The following ARHGAP23 variants were observed in gnomAD, a reference collection of about 807,000 sequenced individuals.
The protein encoded by ARHGAP23 is rho GTPase-activating protein 23.
In ARHGAP23, 34 loss-of-function variants were observed where a neutral mutation model predicts 136.3. That is an observed-to-expected ratio of 0.25 (90% CI 0.19 to 0.33). ARHGAP23 has a LOEUF of 0.33. ARHGAP23 is among the 10% of genes least tolerant of loss of function. ARHGAP23 has a pLI of 1.00. For missense variants in ARHGAP23, 1,808 were observed against 2,139.0 expected (o/e 0.85, Z 3.05); for synonymous variants, 832 against 920.5 (o/e 0.90, Z 1.74).
chr17:38,461,482 G>A (rs1247809881), intron 3 of ARHGAP23, among the ~76,000 whole-genome samples: 1 of 152,234 alleles, frequency 6.6e-6, no homozygotes, highest in Non-Finnish European at 1.5e-5. Flanking sequence ...AAGGCAGAGT[G>A]CCTTCTCTGG....
intron 23 of ARHGAP23, among the ~76,000 whole-genome samples, chr17:38,508,485 T>G (rs1026561825): frequency 6.6e-6 from 1 of 152,120 alleles, no homozygotes; most frequent in East Asian, 1.9e-4. Flanking sequence ...CTGGGGAACT[T>G]GTGCTTTATC....
intron 1 of ARHGAP23, among the ~76,000 whole-genome samples, chr17:38,440,965 G>C (rs1020819880): frequency 6.6e-6 from 1 of 152,224 alleles, no homozygotes; most frequent in Non-Finnish European, 1.5e-5. Context: ...GCTGCACAGC[G>C]TCAGTGGGAT....
chr17:38,453,073 G>A (rs939958293), intron 1 of ARHGAP23, among the ~76,000 whole-genome samples: 3 of 152,358 alleles, frequency 2.0e-5, no homozygotes, highest in African/African-American at 4.8e-5. Context: ...CAGTGTGTGC[G>A]TGGCATCTGC....
intron 1 of ARHGAP23, among the ~76,000 whole-genome samples, chr17:38,448,596 G>C (rs71384228): frequency 1.3e-5 from 2 of 150,786 alleles, no homozygotes; most frequent in African/African-American, 2.4e-5. Flanking sequence ...TCCAGATCCC[G>C]TGTGTCAGCC....
At chr17:38,445,436 C>T (rs1306824727) in intron 1 of ARHGAP23, among the ~76,000 whole-genome samples, 4 of 151,822 alleles carry the variant, frequency 2.6e-5, no homozygotes, top group Admixed American at 2.6e-4. Context: ...GAGAGCACGC[C>T]ATTGCACTCC....
chr17:38,453,837 C>T (rs2039254240), intron 1 of ARHGAP23: 1 of 144,178 alleles, frequency 6.9e-6, no homozygotes, highest in Non-Finnish European at 1.5e-5. Flanking sequence ...GCCGGCCGCC[C>T]GGGGGGTCGA....
chr17:38,498,929 C>T (rs2040457193), intron 22 of ARHGAP23: 1 of 700,032 alleles, frequency 1.4e-6, no homozygotes, highest in Non-Finnish European at 2.6e-6. Flanking sequence ...TCCCCTCCTC[C>T]AGCGGACCTG....
intron 6 of ARHGAP23, among the ~76,000 whole-genome samples, chr17:38,464,542 C>T (rs2039537554): frequency 6.6e-6 from 1 of 152,228 alleles, no homozygotes; most frequent in Non-Finnish European, 1.5e-5. Flanking sequence ...AAACCTCCAC[C>T]CCTGACCTCG....
upstream of ARHGAP23, among the ~76,000 whole-genome samples, chr17:38,427,240 A>G (rs2038583365): frequency 6.6e-6 from 1 of 152,164 alleles, no homozygotes; most frequent in Non-Finnish European, 1.5e-5. Flanking sequence ...AGGCAGGCGA[A>G]TATCACTTGA....
At chr17:38,487,731 G>GCAC (rs201569019) in intron 17 of ARHGAP23, among the ~76,000 whole-genome samples, 1,556 of 152,116 alleles carry the variant, frequency 0.01, 10 homozygotes, top group Middle Eastern at 0.044. Context: ...GGATGTGGTG[G>GCAC]CGGGTGCCTG....
chr17:38,498,309 G>A (rs2040437819), intron 21 of ARHGAP23, 105 bp from the exon 22 acceptor site: 3 of 849,568 alleles, frequency 3.5e-6, no homozygotes, highest in Admixed American at 3.0e-5. Flanking sequence ...AGTGAGCCCG[G>A]TCTGATGGAG....
chr17:38,507,013 G>A (rs1183103161), intron 23 of ARHGAP23, among the ~76,000 whole-genome samples: 1 of 152,120 alleles, frequency 6.6e-6, no homozygotes, highest in Non-Finnish European at 1.5e-5. Context: ...GCTGATGCCT[G>A]TAATAATCCC....
At chr17:38,471,432 A>G (rs933585505) in intron 10 of ARHGAP23, among the ~76,000 whole-genome samples, 3 of 152,144 alleles carry the variant, frequency 2.0e-5, no homozygotes, top group Non-Finnish European at 4.4e-5. Flanking sequence ...AGTCCTGTTG[A>G]GACTGTCACT....
chr17:38,430,591 G>C (rs2038666200), intron 1 of ARHGAP23, among the ~76,000 whole-genome samples: 1 of 152,108 alleles, frequency 6.6e-6, no homozygotes, highest in African/African-American at 2.4e-5. Flanking sequence ...GGTTAAAAGA[G>C]AGACTACAAA....
intron 20 of ARHGAP23, among the ~76,000 whole-genome samples, chr17:38,493,436 C>T (rs866312270): frequency 3.3e-5 from 5 of 152,094 alleles, no homozygotes; most frequent in South Asian, 2.1e-4. Context: ...AAGCGATCCT[C>T]CCATCTCGGC....
At chr17:38,466,134 G>A (rs1167887539) in intron 6 of ARHGAP23, 33 bp from the exon 7 acceptor site, 3 of 1,442,206 alleles carry the variant, frequency 2.1e-6, no homozygotes, top group Admixed American at 2.5e-5. Context: ...GACTTGTCTG[G>A]CCCTGCTTAC....
chr17:38,469,493 A>C, intron 8 of ARHGAP23, 31 bp from the exon 9 acceptor site: 1 of 1,540,140 alleles, frequency 6.5e-7, no homozygotes, highest in East Asian at 2.4e-5. Flanking sequence ...TGCCCCGCTG[A>C]CCCTGAGGCC....
At chr17:38,450,902 G>A (rs1357850414) in intron 1 of ARHGAP23, among the ~76,000 whole-genome samples, 1 of 152,332 alleles carries the variant, frequency 6.6e-6, no homozygotes, top group East Asian at 1.9e-4. Context: ...TCAGGAAGAT[G>A]AGGTTGAATG....
chr17:38,507,628 C>T (rs144732417), intron 23 of ARHGAP23, among the ~76,000 whole-genome samples: 143 of 152,242 alleles, frequency 9.4e-4, no homozygotes, highest in Non-Finnish European at 1.5e-3. Context: ...GTGATCCTAG[C>T]GGCCTCTTAA....
Sources: allele counts gnomAD v4.1 joint callset (sites outside exome capture counted in the v4.1 genomes callset), GRCh38; gene constraint gnomAD v4.1.1; transcripts MANE v1.5; gene names NCBI Gene and HGNC (gene_info 2026-07-23, HGNC 2026-07-21).